The following CADM2 variants were observed in gnomAD, a reference collection of about 807,000 sequenced individuals.
CADM2 encodes the protein immunoglobulin superfamily member 4D.
A neutral mutation model predicts 49.8 loss-of-function variants in CADM2; 12 were observed. The observed-to-expected ratio is 0.24, with a 90% CI of 0.15 to 0.39. The LOEUF (loss-of-function observed/expected upper bound fraction) is 0.39. CADM2 is among the 10% of genes least tolerant of loss of function. The pLI, the probability that CADM2 is intolerant of heterozygous loss-of-function variation, is 1.00. For missense variants in CADM2, 378 were observed against 492.3 expected, an observed-to-expected ratio of 0.77 and a Z score of 2.20; for synonymous variants, 214 against 175.4, an observed-to-expected ratio of 1.22 and a Z score of -1.74.
chr3:85,959,010 G>A (rs192212570), intron 7 of CADM2, among the ~76,000 whole-genome samples: 1 of 150,668 alleles, frequency 6.6e-6, no homozygotes, highest in East Asian at 2.0e-4. Context: ...CATGTTTCGT[G>A]GAACTTAAAT....
intron 1 of CADM2, among the ~76,000 whole-genome samples, chr3:85,723,346 T>C (rs1178918464): frequency 1.3e-5 from 2 of 152,166 alleles, no homozygotes; most frequent in African/African-American, 4.8e-5. Flanking sequence ...TAAAATTGCA[T>C]TTTTAAGATA....
chr3:85,524,301 GA>G (rs1251112229), intron 1 of CADM2, among the ~76,000 whole-genome samples: 1 of 151,876 alleles, frequency 6.6e-6, no homozygotes, highest in Non-Finnish European at 1.5e-5. Flanking sequence ...TAATATGAAT[GA>G]TGTCATTGAT....
At chr3:85,143,763 C>T (rs779224428) in intron 1 of CADM2, among the ~76,000 whole-genome samples, 1 of 152,108 alleles carries the variant, frequency 6.6e-6, no homozygotes, top group East Asian at 1.9e-4. Context: ...TCACTGGCCC[C>T]CCTATTTCTA....
intron 8 of CADM2, among the ~76,000 whole-genome samples, chr3:86,019,617 G>A (rs1443111468): frequency 2.0e-5 from 3 of 151,352 alleles, no homozygotes; most frequent in African/African-American, 7.3e-5. Flanking sequence ...TGGATTCCTA[G>A]GTATTTTATT....
In CADM2 at chr3:86,065,586, A is replaced by G. The variant is rs759347096; in HGVS notation, c.971-19A>G. The G allele has an allele frequency of 6.2e-7, 1 of 1,604,532 alleles. No individual in the cohort carries two copies. Among genetic ancestry groups the G allele is most frequent in the Non-Finnish European group, 8.5e-7 (1 of 1,176,892 alleles). On this transcript the variant is annotated intron_variant, in intron 8 of 9. Transcript: ENST00000383699. Reference sequence around the variant, plus strand: ...TAAATAACACATTAAATAGAACAATATTTTCCTGTCTTTTCCAGATCCTAA... The same window carrying G: ...TAAATAACACATTAAATAGAACAATGTTTTCCTGTCTTTTCCAGATCCTAA...
At chr3:85,290,262 A>G (rs1206489382) in intron 1 of CADM2, among the ~76,000 whole-genome samples, 1 of 152,122 alleles carries the variant, frequency 6.6e-6, no homozygotes, top group African/African-American at 2.4e-5. Context: ...ACGAGATTAT[A>G]TCCCGCACCT....
chr3:86,006,978 T>A (rs987641911), intron 8 of CADM2, among the ~76,000 whole-genome samples: 7 of 152,038 alleles, frequency 4.6e-5, no homozygotes, highest in African/African-American at 1.7e-4. Context: ...AGATGGAAGT[T>A]GCAGTGGGCC....
chr3:85,436,159 T>C (rs1009918395), intron 1 of CADM2, among the ~76,000 whole-genome samples: 1 of 152,166 alleles, frequency 6.6e-6, no homozygotes, highest in African/African-American at 2.4e-5. Context: ...GTTGGATTCC[T>C]AAGTATTTTA....
intron 1 of CADM2, among the ~76,000 whole-genome samples, chr3:85,120,772 C>A (rs1046891505): frequency 2.6e-5 from 4 of 151,894 alleles, no homozygotes; most frequent in African/African-American, 9.7e-5. Flanking sequence ...CACGTGTATA[C>A]CTATGTAACA....
chr3:84,988,336 G>C (rs1017863361), intron 1 of CADM2, among the ~76,000 whole-genome samples: 1 of 152,134 alleles, frequency 6.6e-6, no homozygotes, highest in Non-Finnish European at 1.5e-5. Context: ...TGTGACTTTG[G>C]CCTTAGGCCA....
At chr3:85,711,236 T>C (rs1164186346) in intron 1 of CADM2, among the ~76,000 whole-genome samples, 1 of 152,108 alleles carries the variant, frequency 6.6e-6, no homozygotes, top group Non-Finnish European at 1.5e-5. Flanking sequence ...TGAGATATGT[T>C]TTCAGGGAAA....
intron 1 of CADM2, among the ~76,000 whole-genome samples, chr3:85,430,666 A>G (rs1204670481): frequency 7.0e-6 from 1 of 143,678 alleles, no homozygotes; most frequent in Non-Finnish European, 1.5e-5. Context: ...AAAGAGAAAG[A>G]GGAGAAAGAC....
chr3:85,435,322 C>T (rs531902364), intron 1 of CADM2, among the ~76,000 whole-genome samples: 25 of 152,218 alleles, frequency 1.6e-4, no homozygotes, highest in African/African-American at 6.0e-4. Context: ...CCAGCTTCAT[C>T]CAGGTGCCTG....
chr3:85,077,338 G>A (rs1463639442), intron 1 of CADM2, among the ~76,000 whole-genome samples: 2 of 151,976 alleles, frequency 1.3e-5, no homozygotes, highest in Non-Finnish European at 2.9e-5. Context: ...TACTTATGAG[G>A]CAATGCTTTT....
At chr3:85,076,737 C>G (rs951707548) in intron 1 of CADM2, among the ~76,000 whole-genome samples, 1 of 151,802 alleles carries the variant, frequency 6.6e-6, no homozygotes, top group African/African-American at 2.4e-5. Context: ...TTTGAGAGGT[C>G]GAGGTGTAAG....
intron 7 of CADM2, among the ~76,000 whole-genome samples, chr3:85,950,802 A>T (rs997479987): frequency 6.0e-5 from 9 of 151,116 alleles, no homozygotes; most frequent in African/African-American, 1.9e-4. Flanking sequence ...TGTAAAGCTA[A>T]CCGATAATGT....
intron 1 of CADM2, among the ~76,000 whole-genome samples, chr3:85,717,660 C>A (rs2067344169): frequency 1.3e-5 from 2 of 152,168 alleles, no homozygotes; most frequent in Non-Finnish European, 2.9e-5. Context: ...GAGATACATT[C>A]CTTCAATACC....
At chr3:85,369,422 C>T (rs2033032606) in intron 1 of CADM2, among the ~76,000 whole-genome samples, 1 of 152,120 alleles carries the variant, frequency 6.6e-6, no homozygotes, top group South Asian at 2.1e-4. Flanking sequence ...CACCTGAGGT[C>T]AGGAGTTTGA....
intron 1 of CADM2, among the ~76,000 whole-genome samples, chr3:85,356,053 A>T (rs2031828811): frequency 6.6e-6 from 1 of 152,114 alleles, no homozygotes; most frequent in Non-Finnish European, 1.5e-5. Flanking sequence ...TACTACTGGG[A>T]CATGGTTTAT....
Sources: allele counts gnomAD v4.1 joint callset (sites outside exome capture counted in the v4.1 genomes callset), GRCh38; gene constraint gnomAD v4.1.1; transcripts MANE v1.5; gene names NCBI Gene and HGNC (gene_info 2026-07-23, HGNC 2026-07-21).